Variants in SCN3A observed in about 807,000 individuals in gnomAD.
The protein encoded by SCN3A is sodium channel protein type 3 subunit alpha.
A neutral mutation model predicts 187.6 loss-of-function variants in SCN3A; 60 were observed. That is an observed-to-expected ratio of 0.32 (90% CI 0.26 to 0.40). The LOEUF is 0.40. SCN3A is among the 10% of genes least tolerant of loss of function. The pLI is 1.00. For missense variants in SCN3A, 1,601 were observed against 2,428.2 expected (o/e 0.66, Z 7.16); for synonymous variants, 788 against 829.2 (o/e 0.95, Z 0.85).
chr2:165,146,817 G>T lies in SCN3A; in HGVS notation c.1593C>A (p.Ser531Arg). Residue 531 changes from serine (S) to arginine (R), a missense_variant, in exon 12 of 28, where the codon AGC (serine) becomes AGA (arginine). Physicochemically the swap from Ser to Arg is moderately radical, Grantham distance 110. This residue lies in a region of SCN3A where 376 missense variants were observed against 476.0 expected (regional missense o/e 0.79). Coordinates refer to ENST00000283254, the MANE Select transcript of SCN3A (RefSeq NM_006922.4). ...AGAAAAGGAAGCTGCTTCTTTTGACGCTGTCTTCAGATTCGGATTTGGGAA... is the reference window on the plus strand; with the variant it reads ...AGAAAAGGAAGCTGCTTCTTTTGACTCTGTCTTCAGATTCGGATTTGGGAA... ...DSFPKSESED[S>R]VKRSSFLFSM... 1.6e-5 allele frequency: 26 copies of T among 1,613,990 alleles called. No homozygotes were observed. In the East Asian group the frequency reaches 2.0e-4, roughly 12 times the overall value.
intron 1 of SCN3A, among the ~76,000 whole-genome samples, chr2:165,190,133 C>T (rs1691494067): frequency 6.6e-6 from 1 of 152,262 alleles, no homozygotes; most frequent in Non-Finnish European, 1.5e-5. Flanking sequence ...GGTTTTAAGA[C>T]TTCAGGTCCC....
At position 165,154,439 on chromosome 2, in the gene SCN3A, T is replaced by G; in HGVS notation, c.1380+13A>C. The G allele has an allele frequency of 2.5e-6, 4 of 1,613,320 alleles. No homozygotes were observed. Among genetic ancestry groups the G allele is most frequent in the Non-Finnish European group, 3.4e-6 (4 of 1,179,312 alleles). Reference sequence around the variant, plus strand: ...AATAATAATGATAAATCTTTGCTTTTATCACTCAGTACCTGAGCTTCTTCC... The same window carrying G: ...AATAATAATGATAAATCTTTGCTTTGATCACTCAGTACCTGAGCTTCTTCC... On this transcript the variant is annotated intron_variant, in intron 11 of 27. Transcript: ENST00000283254.
chr2:165,090,216 T>C lies in SCN3A; in HGVS notation c.5937A>G (p.Glu1979=), dbSNP rs575752192. 6.2e-7 allele frequency: 1 copy of C among 1,607,962 alleles called. No individual in the cohort carries two copies. The highest frequency in any genetic ancestry group is 1.1e-5 in the South Asian group (1 of 90,490). The change falls in exon 28 of 28, where the codon GAA becomes GAG. Residue 1979 remains glutamate, a synonymous_variant. Transcript: ENST00000283254. This position sits in a 1 kb window ranked among gnomAD's most constrained non-coding sequence, Gnocchi z 4.0. ...TTTCTGGTTTGTCTTTCTCAAACTT[T>C]TCCTTGTCTGGTTTTGTTACACTAT... ...SYDSVTKPDK[E]KFEKDKPEKE...
intron 1 of SCN3A, among the ~76,000 whole-genome samples, chr2:165,198,206 A>G (rs774708915): frequency 6.6e-6 from 1 of 152,052 alleles, no homozygotes; most frequent in Non-Finnish European, 1.5e-5. Context: ...AAAAGAATCA[A>G]TGCTGCTAAG....
chr2:165,169,767 CTATTT>C (rs1689994997), intron 4 of SCN3A, among the ~76,000 whole-genome samples: 1 of 151,848 alleles, frequency 6.6e-6, no homozygotes, highest in South Asian at 2.1e-4. Flanking sequence ...AATCACCATT[CTATTT>C]TATCATTACT....
intron 4 of SCN3A, 103 bp from the exon 5 acceptor site, chr2:165,168,928 A>T: frequency 1.3e-6 from 1 of 759,076 alleles, no homozygotes; most frequent in East Asian, 2.7e-5. Flanking sequence ...TGTGAAATTA[A>T]TATTATTTGT....
rs904190070 is a variant in SCN3A at position 165,163,535 on chromosome 2, A to G, written c.694+83T>C. The G allele has an allele frequency of 2.1e-5, 31 of 1,465,270 alleles. No individual in the cohort carries two copies. The Admixed American group carries it at 5.6e-4, about 27-fold the overall frequency. The allele number at this position is 1,465,270 out of a possible 1,614,324, so 90.8% of individuals were successfully genotyped here. ...AACGGGATGAACTGTAATAATAAGC[A>G]ACAAGGCTAATGCTGTAAGTCATAT... On this transcript the variant is annotated intron_variant, in intron 7 of 27. Transcript: ENST00000283254.
chr2:165,112,847 T>C, intron 21 of SCN3A, 38 bp downstream of exon 21: 2 of 1,589,828 alleles, frequency 1.3e-6, no homozygotes, highest in Non-Finnish European at 1.7e-6. Context: ...CTTGCCTCTT[T>C]TAAAAACAAT....
At chr2:165,143,394 C>T (rs1688131341) in intron 12 of SCN3A, among the ~76,000 whole-genome samples, 1 of 152,150 alleles carries the variant, frequency 6.6e-6, no homozygotes, top group Non-Finnish European at 1.5e-5. Context: ...GTATCTGGGA[C>T]ATGCCTTTAA....
chr2:165,177,221 G>A (rs931557676), intron 2 of SCN3A, among the ~76,000 whole-genome samples: 1 of 151,962 alleles, frequency 6.6e-6, no homozygotes, highest in Non-Finnish European at 1.5e-5. Flanking sequence ...CAATTTTGAC[G>A]TTTTCCCTGA....
At chr2:165,199,439 T>C (rs1324612197) in intron 1 of SCN3A, among the ~76,000 whole-genome samples, 1 of 152,038 alleles carries the variant, frequency 6.6e-6, no homozygotes, top group Non-Finnish European at 1.5e-5. Flanking sequence ...TTACATGTGC[T>C]GTATTTTAAT....
rs979713414 is a variant in SCN3A, at chr2:165,100,541, C to G, written c.3844-117G>C. ...TACTAATTTGGACATACCTTGGCAA[C>G]TTTCATCTTCCACATAGTGGGGTCA... On this transcript the variant is annotated intron_variant, in intron 21 of 27. Transcript: ENST00000283254. 5 of 992,380 alleles carry G rather than the reference C, an allele frequency of 5.0e-6. No homozygotes were observed. In the Admixed American group the frequency reaches 1.1e-4, roughly 21 times the overall value. The allele number at this position is 992,380 out of a possible 1,614,324, so 61.5% of individuals were successfully genotyped here. A position where few individuals can be genotyped will look rare whatever the true frequency, so the allele number is the denominator to read the frequency against.
chr2:165,188,230 T>C (rs529957812), intron 1 of SCN3A, among the ~76,000 whole-genome samples: 60 of 152,228 alleles, frequency 3.9e-4, no homozygotes, highest in Non-Finnish European at 6.9e-4. Context: ...AAATTACTGA[T>C]TTACAGATTG....
intron 19 of SCN3A, among the ~76,000 whole-genome samples, chr2:165,115,172 G>A (rs1686302593): frequency 6.6e-6 from 1 of 151,994 alleles, no homozygotes; most frequent in Non-Finnish European, 1.5e-5. Flanking sequence ...TACAGCTGTG[G>A]CTGAGGTAGC....
At chr2:165,125,726 C>A (rs940205777) in intron 18 of SCN3A, among the ~76,000 whole-genome samples, 2 of 152,120 alleles carry the variant, frequency 1.3e-5, no homozygotes, top group African/African-American at 4.8e-5. Flanking sequence ...CTCTCCTTCA[C>A]CCCTAGTATC....
intron 5 of SCN3A, among the ~76,000 whole-genome samples, chr2:165,168,218 C>A (rs140519062): frequency 9.2e-5 from 14 of 152,068 alleles, no homozygotes; most frequent in Middle Eastern, 6.8e-3. Context: ...CATTTTATTT[C>A]TTTTACAGAA....
intron 18 of SCN3A, among the ~76,000 whole-genome samples, chr2:165,117,650 A>G (rs1686438251): frequency 6.6e-6 from 1 of 152,136 alleles, no homozygotes; most frequent in South Asian, 2.1e-4. Flanking sequence ...GTCACTTTAT[A>G]GAGAGAATTA....
At chr2:165,161,531 T>C (rs1276281576) in intron 9 of SCN3A, among the ~76,000 whole-genome samples, 1 of 152,210 alleles carries the variant, frequency 6.6e-6, no homozygotes, top group African/African-American at 2.4e-5. Context: ...TTAACTCTCT[T>C]AGATTTTTAT....
intron 6 of SCN3A, 23 bp downstream of exon 6, chr2:165,164,369 A>G: frequency 6.2e-7 from 1 of 1,613,614 alleles, no homozygotes. Context: ...CTTTGCGCTT[A>G]TCAAATTTTC....
Sources: allele counts gnomAD v4.1 joint callset (sites outside exome capture counted in the v4.1 genomes callset), GRCh38; gene constraint gnomAD v4.1.1; regional missense constraint gnomAD v4.1.1; non-coding constraint Gnocchi (gnomAD v3.1); transcripts MANE v1.5; gene names NCBI Gene and HGNC (gene_info 2026-07-23, HGNC 2026-07-21).